Variants in CADPS observed in about 807,000 individuals in gnomAD.
The protein encoded by CADPS is calcium-dependent secretion activator 1.
In CADPS, 57 loss-of-function variants were observed where a neutral mutation model predicts 167.3. The observed-to-expected ratio is 0.34, with a 90% confidence interval of 0.28 to 0.42. The LOEUF (loss-of-function observed/expected upper bound fraction) is 0.42, where lower values mean the gene tolerates loss of function less well. Among genes scored for constraint, CADPS ranks in the 20% least tolerant of loss-of-function variants. The pLI is 1.00. For missense variants in CADPS, 1,414 were observed against 1,738.1 expected (o/e 0.81, Z 3.32); for synonymous variants, 676 against 635.3 (o/e 1.06, Z -0.96).
intron 1 of CADPS, among the ~76,000 whole-genome samples, chr3:62,787,812 T>C (rs1048942864): frequency 2.0e-5 from 3 of 152,180 alleles, no homozygotes; most frequent in Admixed American, 6.5e-5. Context: ...ATTATAAAGA[T>C]TAAATGAGAT....
chr3:62,732,546 A>G (rs1427512002), intron 3 of CADPS, among the ~76,000 whole-genome samples: 1 of 152,224 alleles, frequency 6.6e-6, no homozygotes, highest in Non-Finnish European at 1.5e-5. Flanking sequence ...GATAAGAAAC[A>G]TGTGTTGTTT....
chr3:62,492,191 C>G, intron 20 of CADPS, 99 bp downstream of exon 20: 1 of 969,394 alleles, frequency 1.0e-6, no homozygotes, highest in South Asian at 1.6e-5. Context: ...CCATGAAGAG[C>G]TATGTCAAGC....
At chr3:62,572,861 C>T (rs2081541139) in intron 8 of CADPS, among the ~76,000 whole-genome samples, 1 of 152,096 alleles carries the variant, frequency 6.6e-6, no homozygotes, top group African/African-American at 2.4e-5. Flanking sequence ...TGCATGTAAC[C>T]TAAGCACATC....
At chr3:62,686,524 G>A (rs998870976) in intron 3 of CADPS, among the ~76,000 whole-genome samples, 1 of 151,676 alleles carries the variant, frequency 6.6e-6, no homozygotes, top group African/African-American at 2.4e-5. Flanking sequence ...GGGGAGAAAT[G>A]GAGCTAATGT....
chr3:62,653,561 T>C (rs1445073565), intron 4 of CADPS, among the ~76,000 whole-genome samples: 2 of 152,196 alleles, frequency 1.3e-5, no homozygotes, highest in Non-Finnish European at 2.9e-5. Context: ...AATTTCTGTC[T>C]TTCCTGCTGG....
In CADPS at chr3:62,853,635, A is replaced by AAG. The variant is rs1553771028; in HGVS notation, c.441+20953_441+20954insCT. Among the ~76,000 whole-genome samples the AAG allele has an allele frequency of 3.4e-3, 512 of 150,498 alleles. 5 individuals are homozygous for AAG. Among genetic ancestry groups the AAG allele is most frequent in the African/African-American group, 0.012 (480 of 40,594 alleles). ...AGCAAAACTCCACTAAAAAAAAAAA[A>AAG]AAAAGAAAAGAAAAGAAAAGAAAGC... On this transcript the variant is annotated intron_variant, in intron 1 of 29. Coordinates refer to ENST00000383710, the MANE Select transcript of CADPS (RefSeq NM_003716.4).
In CADPS at chr3:62,466,329, TG is replaced by T; in HGVS notation, c.3552+9del. 1 of 1,588,740 alleles carries T rather than the reference TG, an allele frequency of 6.3e-7. No individual in the cohort carries two copies. The highest frequency in any genetic ancestry group is 8.6e-7 in the Non-Finnish European group (1 of 1,157,158). ...CACAATGAAACATTTCACCTGAAGC[TG>T]GAGGTTACCTTTGCAACCAAGAGTG... On this transcript the variant is annotated intron_variant, in intron 25 of 29. Coordinates refer to ENST00000383710, the MANE Select transcript of CADPS (RefSeq NM_003716.4).
intron 3 of CADPS, among the ~76,000 whole-genome samples, chr3:62,687,253 C>G (rs563179640): frequency 6.6e-6 from 1 of 152,094 alleles, no homozygotes; most frequent in Non-Finnish European, 1.5e-5. Flanking sequence ...TTTAAAATGG[C>G]TAAAATTCAC....
At chr3:62,409,108 A>G (rs1425997013) in intron 28 of CADPS, among the ~76,000 whole-genome samples, 1 of 152,258 alleles carries the variant, frequency 6.6e-6, no homozygotes, top group Non-Finnish European at 1.5e-5. Context: ...TGTTGATACT[A>G]TTAACAGTCT....
chr3:62,799,958 C>T lies in CADPS; in HGVS notation c.442-33974G>A, dbSNP rs1296178492. Among the ~76,000 whole-genome samples the T allele has an allele frequency of 3.3e-5, 5 of 152,154 alleles. No homozygotes were observed. In the East Asian group the frequency reaches 9.6e-4, roughly 29 times the overall value. ...GCAGGGCAGAGGGAAGATTTGTTTCCTGACTAGGATAATAAGGATAATGTT... is the reference window on the plus strand; with the variant it reads ...GCAGGGCAGAGGGAAGATTTGTTTCTTGACTAGGATAATAAGGATAATGTT... On this transcript the variant is annotated intron_variant, in intron 1 of 29. Coordinates refer to ENST00000383710, the MANE Select transcript of CADPS (RefSeq NM_003716.4).
intron 4 of CADPS, among the ~76,000 whole-genome samples, chr3:62,654,074 C>T (rs374088246): frequency 1.3e-5 from 2 of 152,246 alleles, no homozygotes; most frequent in East Asian, 3.9e-4. Flanking sequence ...TGCACAGTGG[C>T]CTTGAAATTT....
intron 29 of CADPS, among the ~76,000 whole-genome samples, chr3:62,402,155 A>G (rs933924455): frequency 1.4e-5 from 2 of 145,846 alleles, no homozygotes; most frequent in Non-Finnish European, 3.0e-5. Context: ...ATTACACACA[A>G]CGGAACAGCA....
At chr3:62,599,309 G>T (rs1460356855) in intron 6 of CADPS, among the ~76,000 whole-genome samples, 3 of 150,808 alleles carry the variant, frequency 2.0e-5, no homozygotes, top group African/African-American at 7.3e-5. Context: ...TTACATAAAC[G>T]TTAAAAATAG....
intron 3 of CADPS, among the ~76,000 whole-genome samples, chr3:62,682,650 A>C (rs1472283014): frequency 6.6e-6 from 1 of 152,074 alleles, no homozygotes; most frequent in African/African-American, 2.4e-5. Flanking sequence ...GAAAATAACC[A>C]GTTTCTAAAA....
intron 6 of CADPS, among the ~76,000 whole-genome samples, chr3:62,612,728 T>C (rs967776502): frequency 1.7e-4 from 26 of 152,206 alleles, no homozygotes; most frequent in African/African-American, 5.1e-4. Context: ...AGGGAATTGA[T>C]TGGACAGCTG....
chr3:62,670,539 G>T (rs2075322323), intron 3 of CADPS, among the ~76,000 whole-genome samples: 1 of 152,042 alleles, frequency 6.6e-6, no homozygotes, highest in African/African-American at 2.4e-5. Flanking sequence ...GCAGGGTTTA[G>T]CTCCCAGGTT....
intron 3 of CADPS, among the ~76,000 whole-genome samples, chr3:62,700,573 T>G (rs2081205585): frequency 6.6e-6 from 1 of 152,098 alleles, no homozygotes. Flanking sequence ...GGACCTAATC[T>G]TATGACTCAT....
At chr3:62,812,559 C>A (rs1365273593) in intron 1 of CADPS, among the ~76,000 whole-genome samples, 2 of 152,148 alleles carry the variant, frequency 1.3e-5, no homozygotes, top group Non-Finnish European at 2.9e-5. Context: ...GATGTGCATG[C>A]AATTTCATTT....
chr3:62,863,871 TCA>T (rs1477102834), intron 1 of CADPS, among the ~76,000 whole-genome samples: 1 of 152,200 alleles, frequency 6.6e-6, no homozygotes, highest in African/African-American at 2.4e-5. Context: ...GGGTGGCCAT[TCA>T]CAGAGTTAGA....
Sources: gnomAD v4.1 joint callset for allele counts (sites outside exome capture counted in the v4.1 genomes callset) on GRCh38, gnomAD v4.1.1 for gene constraint, MANE v1.5 for transcripts, NCBI Gene and HGNC (gene_info 2026-07-23, HGNC 2026-07-21) for gene names.